Variants in NDUFV2 observed in about 807,000 individuals in gnomAD.
NDUFV2 encodes NADH:ubiquinone oxidoreductase core subunit V2, also known as NADH dehydrogenase [ubiquinone] flavoprotein 2, mitochondrial.
In NDUFV2, 18 loss-of-function variants were observed where a neutral mutation model predicts 31.6. The observed-to-expected ratio is 0.57, with a 90% CI of 0.39 to 0.84. The LOEUF is 0.84. NDUFV2 is among the 40% of genes least tolerant of loss of function. NDUFV2 has a pLI of 0.00. For missense variants in NDUFV2, 314 were observed against 303.6 expected, an observed-to-expected ratio of 1.03 and a Z score of -0.26; for synonymous variants, 83 against 99.8, an observed-to-expected ratio of 0.83 and a Z score of 1.01.
intron 4 of NDUFV2, 71 bp from the exon 5 acceptor site, chr18:9,122,442 T>A (rs1218417350): frequency 7.4e-7 from 1 of 1,342,698 alleles, no homozygotes; most frequent in African/African-American, 1.4e-5. Context: ...AAATTATACT[T>A]TGTACAACAT....
In NDUFV2 at chr18:9,124,952, C is replaced by T. The variant is rs763378243; in HGVS notation, c.548C>T (p.Ala183Val). 1 of 1,613,552 alleles carries T rather than the reference C, an allele frequency of 6.2e-7. No homozygotes were observed. The highest frequency in any genetic ancestry group is 1.1e-5 in the South Asian group (1 of 91,058). ...EVECLGACVNAPMVQINDNYY... is the reference protein window; with the variant it reads ...EVECLGACVNVPMVQINDNYY... ...GAATGTTTAGGGGCCTGTGTGAACG[C>T]ACCAATGGTTCAAATAAATGACAAT... Residue 183 changes from alanine to valine, a missense_variant, in exon 6 of 8, where the codon GCA becomes GTA. Physicochemically the swap from Ala to Val is moderately conservative, Grantham distance 64. Transcript: ENST00000318388.
intron 6 of NDUFV2, 124 bp downstream of exon 6, chr18:9,125,107 T>G: frequency 9.5e-7 from 1 of 1,056,044 alleles, no homozygotes; most frequent in Non-Finnish European, 1.3e-6. Context: ...ATGGTTACCA[T>G]AAATATCCAG....
chr18:9,122,127 G>A (rs1338978824), intron 4 of NDUFV2, among the ~76,000 whole-genome samples: 1 of 152,114 alleles, frequency 6.6e-6, no homozygotes, highest in Non-Finnish European at 1.5e-5. Flanking sequence ...TTTTATTGGG[G>A]TTTGGCCATC....
intron 7 of NDUFV2, among the ~76,000 whole-genome samples, chr18:9,131,935 T>C (rs1321400534): frequency 6.6e-6 from 1 of 152,194 alleles, no homozygotes; most frequent in Non-Finnish European, 1.5e-5. Context: ...GAGGCATGTT[T>C]ACAGATGAAA....
At chr18:9,109,529 A>C (rs1246399781) in intron 1 of NDUFV2, among the ~76,000 whole-genome samples, 1 of 152,238 alleles carries the variant, frequency 6.6e-6, no homozygotes, top group Non-Finnish European at 1.5e-5. Context: ...AGCCCATGAA[A>C]AGACAATTAA....
chr18:9,126,943 TCACCTAAATTA>T (rs765098205), intron 7 of NDUFV2, 36 bp downstream of exon 7: 558 of 1,492,600 alleles, frequency 3.7e-4, no homozygotes, highest in Admixed American at 7.0e-4. Flanking sequence ...TTTTAGTGGC[TCACCTAAATTA>T]ATCTTTCAGA....
At chr18:9,107,356 A>G (rs1238030532) in intron 1 of NDUFV2, among the ~76,000 whole-genome samples, 1 of 152,232 alleles carries the variant, frequency 6.6e-6, no homozygotes, top group African/African-American at 2.4e-5. Flanking sequence ...CCCATGCTGT[A>G]TAACCTATTG....
chr18:9,124,602 C>A (rs1167549192), intron 5 of NDUFV2, among the ~76,000 whole-genome samples: 1 of 151,902 alleles, frequency 6.6e-6, no homozygotes, highest in African/African-American at 2.4e-5. Context: ...GTGCCCGCCA[C>A]CACACCTGGC....
chr18:9,106,596 A>G (rs943384633), intron 1 of NDUFV2, among the ~76,000 whole-genome samples: 2 of 152,216 alleles, frequency 1.3e-5, no homozygotes, highest in African/African-American at 4.8e-5. Context: ...TTGTGACTCA[A>G]AGGACTCTAA....
chr18:9,104,342 A>G, intron 1 of NDUFV2: 1 of 1,526,480 alleles, frequency 6.6e-7, no homozygotes, highest in East Asian at 2.3e-5. Context: ...GAAAGGTTTT[A>G]AAGTAGAGGA....
intron 1 of NDUFV2, chr18:9,104,276 G>C: frequency 6.2e-7 from 1 of 1,612,490 alleles, no homozygotes; most frequent in South Asian, 1.1e-5. Context: ...CCAGATATTG[G>C]AGCTCCTGGC....
At chr18:9,123,810 A>C (rs116959845) in intron 5 of NDUFV2, among the ~76,000 whole-genome samples, 2,021 of 152,216 alleles carry the variant, frequency 0.013, 22 homozygotes, top group Middle Eastern at 0.024. Context: ...TTTCTTTTAC[A>C]AACAGTTACT....
At chr18:9,125,022 G>A (rs2077977017) in intron 6 of NDUFV2, 39 bp downstream of exon 6, 2 of 1,585,168 alleles carry the variant, frequency 1.3e-6, no homozygotes, top group East Asian at 2.3e-5. Flanking sequence ...GTTGTATGAT[G>A]TCATATTTAA....
At chr18:9,108,664 C>G (rs1036513585) in intron 1 of NDUFV2, among the ~76,000 whole-genome samples, 4 of 149,304 alleles carry the variant, frequency 2.7e-5, no homozygotes, top group African/African-American at 9.9e-5. Context: ...ATAAAATGCA[C>G]TGAAAAACTT....
At chr18:9,118,248 G>C (rs2077909121) in intron 2 of NDUFV2, among the ~76,000 whole-genome samples, 1 of 152,108 alleles carries the variant, frequency 6.6e-6, no homozygotes, top group Admixed American at 6.5e-5. Flanking sequence ...AATGACACTA[G>C]TTTGAAACTC....
intron 7 of NDUFV2, among the ~76,000 whole-genome samples, chr18:9,129,231 A>T (rs1169752130): frequency 6.6e-6 from 1 of 151,728 alleles, no homozygotes; most frequent in Non-Finnish European, 1.5e-5. Flanking sequence ...TTGAGCCACC[A>T]CGCCCGGCCA....
chr18:9,107,837 A>G (rs769954524), intron 1 of NDUFV2, among the ~76,000 whole-genome samples: 17 of 152,096 alleles, frequency 1.1e-4, no homozygotes, highest in Non-Finnish European at 2.4e-4. Context: ...TTAAAGGGGT[A>G]GGAGATGGAG....
At chr18:9,127,949 C>G (rs1210187679) in intron 7 of NDUFV2, among the ~76,000 whole-genome samples, 1 of 152,176 alleles carries the variant, frequency 6.6e-6, no homozygotes, top group Non-Finnish European at 1.5e-5. Flanking sequence ...CACTATTTAT[C>G]CAGGTTGCTC....
chr18:9,105,971 G>T (rs1277429189), intron 1 of NDUFV2, among the ~76,000 whole-genome samples: 1 of 152,110 alleles, frequency 6.6e-6, no homozygotes, highest in African/African-American at 2.4e-5. Flanking sequence ...ATTGTATGCT[G>T]AATTTTGTGA....
Sources: gnomAD v4.1 joint callset for allele counts (sites outside exome capture counted in the v4.1 genomes callset) on GRCh38, gnomAD v4.1.1 for gene constraint, MANE v1.5 for transcripts, NCBI Gene and HGNC (gene_info 2026-07-23, HGNC 2026-07-21) for gene names.